NINL: variants seen among roughly 807,000 people sequenced by gnomAD.
NINL encodes the protein ninein like, also known as ninein-like protein.
Under a neutral mutation model 160.3 loss-of-function variants are expected in NINL, and 153 were observed. The observed-to-expected ratio is 0.95, with a 90% CI of 0.84 to 1.09. The LOEUF (loss-of-function observed/expected upper bound fraction) is 1.09. Among genes scored for constraint, NINL ranks in the 50% least tolerant of loss-of-function variants. The pLI is 0.00. For missense variants in NINL, 1,829 were observed against 1,764.0 expected (o/e 1.04, Z -0.66); for synonymous variants, 800 against 734.8 (o/e 1.09, Z -1.43).
intron 13 of NINL, among the ~76,000 whole-genome samples, chr20:25,484,953 C>T (rs2281212): frequency 0.13 from 19,499 of 152,180 alleles, 2,007 homozygotes; most frequent in East Asian, 0.56. Context: ...GCAACACCAG[C>T]GAGCGGGGCA....
intron 19 of NINL, among the ~76,000 whole-genome samples, chr20:25,466,023 C>CTAT (rs369860389): frequency 4.6e-5 from 7 of 151,620 alleles, no homozygotes; most frequent in African/African-American, 9.7e-5. Flanking sequence ...AACTTATTTT[C>CTAT]TATTATTATT....
chr20:25,583,051 C>A (rs1458991128), intron 1 of NINL, among the ~76,000 whole-genome samples: 1 of 152,170 alleles, frequency 6.6e-6, no homozygotes, highest in Non-Finnish European at 1.5e-5. Flanking sequence ...CTAGGCAATA[C>A]TATTCAGGAC....
chr20:25,480,289 C>T (rs113029948), intron 14 of NINL, 22 bp from the exon 15 acceptor site: 91 of 1,599,396 alleles, frequency 5.7e-5, no homozygotes, highest in African/African-American at 5.4e-4. Flanking sequence ...AGGCCACTTC[C>T]GTTTGTCACA....
chr20:25,476,909 C>A lies in NINL; in HGVS notation c.2382G>T (p.Lys794Asn). 6.2e-7 allele frequency: 1 copy of A among 1,613,056 alleles called. No individual in the cohort carries two copies. Among genetic ancestry groups the A allele is most frequent in the Non-Finnish European group, 8.5e-7 (1 of 1,179,910 alleles). The change falls in exon 17 of 24, where the codon AAG (lysine) becomes AAT (asparagine). Residue 794 changes from lysine (K) to asparagine (N), a missense_variant. Coordinates refer to ENST00000278886, the MANE Select transcript of NINL (RefSeq NM_025176.6). Reference protein sequence around the residue: ...ALKLQPCASEKRAQMCVSLAL... With the variant: ...ALKLQPCASENRAQMCVSLAL... ...CCAACGATACGCACATCTGGGCGCG[C>A]TTCTCGCTCGCACAGGGCTGCAGCT...
Position 25,455,655 on chromosome 20 carries a change from G to A in NINL, c.3957+18C>T, listed in dbSNP as rs574058077. The A allele has an allele frequency of 1.3e-6, 2 of 1,570,926 alleles. No individual in the cohort carries two copies. Among genetic ancestry groups the A allele is most frequent in the South Asian group, 2.2e-5 (2 of 90,208 alleles). On this transcript the variant is annotated intron_variant, in intron 23 of 23. Transcript: ENST00000278886. Reference sequence around the variant, plus strand: ...AGAAGAGGACGTGAACACGAAAGCAGCAGCGCCCATCACTCACCTGCTCCT... The same window carrying A: ...AGAAGAGGACGTGAACACGAAAGCAACAGCGCCCATCACTCACCTGCTCCT...
intron 2 of NINL, among the ~76,000 whole-genome samples, chr20:25,524,762 A>G (rs1024764202): frequency 6.6e-6 from 1 of 152,092 alleles, no homozygotes; most frequent in African/African-American, 2.4e-5. Context: ...CTTGGGAATG[A>G]CGTGGCTTAT....
Position 25,453,277 on chromosome 20 carries a change from C to T in NINL, c.*174G>A. 1 of 498,224 alleles carries T rather than the reference C, an allele frequency of 2.0e-6. No homozygotes were observed. Among genetic ancestry groups the T allele is most frequent in the Non-Finnish European group, 3.4e-6 (1 of 297,902 alleles). The allele number at this position is 498,224 out of a possible 1,614,324, so 30.9% of individuals were successfully genotyped here. ...TGCAACATGCATATTCCCCCAGCCC[C>T]CACCTCCATCTTGCCCAGGGCAGAC... On this transcript the variant is annotated 3_prime_UTR_variant, in exon 24 of 24. Coordinates refer to ENST00000278886, the MANE Select transcript of NINL (RefSeq NM_025176.6).
At chr20:25,477,144 C>T (rs1360817272) in intron 16 of NINL, 55 bp from the exon 17 acceptor site, 18 of 1,473,302 alleles carry the variant, frequency 1.2e-5, no homozygotes, top group South Asian at 2.7e-5. Context: ...GCCCCTCTCT[C>T]GGGTTTGAAG....
rs771847655 is a variant in NINL at position 25,476,674 on chromosome 20, C to A, written c.2617G>T (p.Ala873Ser). The A allele has an allele frequency of 6.3e-7, 1 of 1,588,158 alleles. No homozygotes were observed. The highest frequency in any genetic ancestry group is 1.1e-5 in the South Asian group (1 of 89,180). ...TGCCTGCGGCGAGGCCCGGCTCCTG[C>A]CGCCTCCTCAGACTCTCTGCCATCA... ...PGDGRESEEA[A>S]GAGPRRRQAQ... Residue 873 changes from alanine (A) to serine (S), a missense_variant, in exon 17 of 24, where the codon GCA becomes TCA. By Grantham distance (99) the Ala-to-Ser change is moderately conservative (BLOSUM62 1). Transcript: ENST00000278886.
At chr20:25,530,611 G>A (rs1404148641) in intron 1 of NINL, among the ~76,000 whole-genome samples, 1 of 152,084 alleles carries the variant, frequency 6.6e-6, no homozygotes, top group Non-Finnish European at 1.5e-5. Context: ...GAGAAATAAA[G>A]GGACAGAGTA....
intron 19 of NINL, among the ~76,000 whole-genome samples, chr20:25,466,359 C>T (rs1393953810): frequency 6.6e-6 from 1 of 152,148 alleles, no homozygotes; most frequent in African/African-American, 2.4e-5. Flanking sequence ...CACACACATA[C>T]ACATGCACAC....
At chr20:25,526,652 C>T (rs2064367281) in intron 1 of NINL, 54 bp from the exon 2 acceptor site, 6 of 1,539,932 alleles carry the variant, frequency 3.9e-6, no homozygotes, top group Non-Finnish European at 5.3e-6. Flanking sequence ...CACCTCCCCT[C>T]CCATTCCCAC....
At chr20:25,538,673 C>T (rs1255140494) in intron 1 of NINL, among the ~76,000 whole-genome samples, 1 of 152,082 alleles carries the variant, frequency 6.6e-6, no homozygotes, top group African/African-American at 2.4e-5. Flanking sequence ...CTGGCGAGCA[C>T]AGAACTGGGG....
At chr20:25,528,800 C>G (rs1470718654) in intron 1 of NINL, among the ~76,000 whole-genome samples, 1 of 152,082 alleles carries the variant, frequency 6.6e-6, no homozygotes, top group Admixed American at 6.6e-5. Flanking sequence ...AGGAACAATT[C>G]TAAAAAAGAG....
intron 7 of NINL, 106 bp from the exon 8 acceptor site, chr20:25,501,116 AG>A (rs1243008922): frequency 1.6e-5 from 22 of 1,412,764 alleles, no homozygotes; most frequent in African/African-American, 2.9e-5. Flanking sequence ...AGGGCCTCAC[AG>A]GAACAGCTCA....
At chr20:25,567,133 A>G (rs1287514708) in intron 1 of NINL, among the ~76,000 whole-genome samples, 4 of 152,142 alleles carry the variant, frequency 2.6e-5, no homozygotes, top group Admixed American at 6.6e-5. Flanking sequence ...TTAAAACAAT[A>G]CCTTTGATGG....
At chr20:25,549,647 C>T (rs894947588) in intron 1 of NINL, among the ~76,000 whole-genome samples, 6 of 152,230 alleles carry the variant, frequency 3.9e-5, no homozygotes, top group African/African-American at 1.4e-4. Flanking sequence ...ACGAGTGGAA[C>T]TAAATCAATG....
chr20:25,582,329 T>C (rs1041270852), intron 1 of NINL, among the ~76,000 whole-genome samples: 1 of 152,082 alleles, frequency 6.6e-6, no homozygotes, highest in East Asian at 2.0e-4. Context: ...AAGTGCTTTC[T>C]TTCCAATTTG....
intron 1 of NINL, among the ~76,000 whole-genome samples, chr20:25,582,355 A>G (rs2065184239): frequency 1.3e-5 from 2 of 152,146 alleles, no homozygotes; most frequent in African/African-American, 4.8e-5. Context: ...GTTAAATGTT[A>G]TCTGAGGTCA....
Sources: gnomAD v4.1 joint callset for allele counts (sites outside exome capture counted in the v4.1 genomes callset) on GRCh38, gnomAD v4.1.1 for gene constraint, MANE v1.5 for transcripts, NCBI Gene and HGNC (gene_info 2026-07-23, HGNC 2026-07-21) for gene names.